FRYL: variants seen among roughly 807,000 people sequenced by gnomAD.
FRYL encodes FRY like transcription coactivator, also known as protein furry homolog-like.
A neutral mutation model predicts 351.2 loss-of-function variants in FRYL; 150 were observed. That is an observed-to-expected ratio of 0.43 (90% confidence interval 0.37 to 0.49). FRYL has a LOEUF of 0.49. Ranked by LOEUF, FRYL falls within the 20% of genes least tolerant of loss-of-function variation. FRYL has a pLI of 0.00. For synonymous variants in FRYL, 1,153 were observed against 1,257.1 expected (o/e 0.92, Z 1.75); for missense variants, 3,036 against 3,619.3 (o/e 0.84, Z 4.13).
intron 16 of FRYL, among the ~76,000 whole-genome samples, chr4:48,593,473 T>C (rs1743948701): frequency 6.6e-6 from 1 of 152,016 alleles, no homozygotes; most frequent in African/African-American, 2.4e-5. Context: ...GCCTCCCTAG[T>C]AGCTGGGATT....
In FRYL at chr4:48,602,034, A is replaced by G. The variant is rs1159625469; in HGVS notation, c.1021T>C (p.Leu341=). 1.9e-6 allele frequency: 3 copies of G among 1,571,940 alleles called. No individual in the cohort carries two copies. The East Asian group carries it at 6.7e-5, about 35-fold the overall frequency. ...NNWHIFLQNC[L]SHLKNKDPKM... ...TTACATCTTACCTTTAAATGTGACAAACAGTTCTGTAGGAAAATATGCCAG... is the reference window on the plus strand; with the variant it reads ...TTACATCTTACCTTTAAATGTGACAGACAGTTCTGTAGGAAAATATGCCAG... Residue 341 remains leucine (L), a synonymous_variant, in exon 13 of 64, where the codon TTG becomes CTG. Transcript: ENST00000358350.
intron 13 of FRYL, among the ~76,000 whole-genome samples, chr4:48,601,178 A>G (rs1424256699): frequency 2.0e-5 from 3 of 152,194 alleles, no homozygotes; most frequent in Non-Finnish European, 2.9e-5. Flanking sequence ...CGGTTCCATT[A>G]TCTTCAAAGT....
intron 21 of FRYL, among the ~76,000 whole-genome samples, chr4:48,581,217 T>A (rs1009675711): frequency 2.6e-5 from 4 of 151,940 alleles, no homozygotes; most frequent in Admixed American, 1.3e-4. Flanking sequence ...ATTTTTTTTT[T>A]ATATTTTTAG....
intron 1 of FRYL, among the ~76,000 whole-genome samples, chr4:48,769,909 G>A (rs185718573): frequency 4.6e-5 from 7 of 152,230 alleles, no homozygotes; most frequent in East Asian, 1.9e-4. Context: ...CAGTAAATAC[G>A]GAAAAGGAGG....
intron 3 of FRYL, among the ~76,000 whole-genome samples, chr4:48,676,877 G>A (rs1173150234): frequency 4.6e-5 from 7 of 152,072 alleles, no homozygotes; most frequent in East Asian, 1.9e-4. Flanking sequence ...CTTTTGAATC[G>A]CACTTTATTG....
At chr4:48,716,064 C>G (rs1206649215) in intron 1 of FRYL, among the ~76,000 whole-genome samples, 2 of 152,174 alleles carry the variant, frequency 1.3e-5, no homozygotes, top group South Asian at 2.1e-4. Context: ...GGAAAACTGG[C>G]TAGCCATATG....
At position 48,776,691 on chromosome 4, in the gene FRYL, G is replaced by A. The variant is rs560089786; in HGVS notation, c.-384+3387C>T. On this transcript the variant is annotated intron_variant, in intron 1 of 63. Transcript: ENST00000358350. ...TTGCAGACAAGGTGACATCTGAGCA[G>A]GGCCAGATGGATGATCCCTGTCACT... is the stretch of plus-strand genomic sequence containing the variant. 2.6e-5 allele frequency among the ~76,000 whole-genome samples: 4 copies of A among 152,280 alleles called. No homozygotes were observed. In the South Asian group the frequency reaches 8.3e-4, roughly 32 times the overall value.
chr4:48,565,089 T>C lies in FRYL; in HGVS notation c.3331-46A>G, dbSNP rs1736465192. 5.3e-6 allele frequency: 6 copies of C among 1,124,224 alleles called. No individual in the cohort carries two copies. The East Asian group carries it at 1.6e-4, about 29-fold the overall frequency. The allele number at this position is 1,124,224 out of a possible 1,614,324, so 69.6% of individuals were successfully genotyped here. A position where few individuals can be genotyped will look rare whatever the true frequency, so the allele number is the denominator to read the frequency against. On this transcript the variant is annotated intron_variant, in intron 29 of 63. Coordinates refer to ENST00000358350, the MANE Select transcript of FRYL (RefSeq NM_015030.2). ...ATTACATTTAACAAATTTAAGAGGT[T>C]AAATGTTGGTTGCTTAATGAGAAGA...
At chr4:48,711,384 C>T (rs959878582) in intron 1 of FRYL, among the ~76,000 whole-genome samples, 1 of 152,284 alleles carries the variant, frequency 6.6e-6, no homozygotes, top group African/African-American at 2.4e-5. Context: ...TTCCAACGGG[C>T]TTAAAAAACG....
At chr4:48,709,122 G>A (rs1176900003) in intron 2 of FRYL, among the ~76,000 whole-genome samples, 2 of 151,792 alleles carry the variant, frequency 1.3e-5, no homozygotes, top group Admixed American at 6.6e-5. Context: ...GGGTTTCACC[G>A]TGTTAGCCAG....
intron 63 of FRYL, among the ~76,000 whole-genome samples, 156 bp from the exon 64 acceptor site, chr4:48,499,836 C>T (rs1719155148): frequency 6.6e-6 from 1 of 152,148 alleles, no homozygotes; most frequent in Non-Finnish European, 1.5e-5. Context: ...CACCTGAATT[C>T]ACTTTCAAAG....
intron 41 of FRYL, among the ~76,000 whole-genome samples, chr4:48,546,914 A>G (rs1424689058): frequency 1.3e-5 from 2 of 152,142 alleles, no homozygotes; most frequent in African/African-American, 4.8e-5. Flanking sequence ...AGGATTTTAA[A>G]TAAATAACAG....
At chr4:48,572,807 T>G (rs1393435503) in intron 26 of FRYL, among the ~76,000 whole-genome samples, 1 of 152,208 alleles carries the variant, frequency 6.6e-6, no homozygotes, top group Admixed American at 6.5e-5. Flanking sequence ...TCGCTGCAAA[T>G]TTTTTACTGT....
rs375850372 is a variant in FRYL, at chr4:48,540,999, C to T, written c.5688-39G>A. 30 of 1,447,818 alleles carry T rather than the reference C, an allele frequency of 2.1e-5. No homozygotes were observed. The African/African-American group carries it at 4.0e-4, about 19-fold the overall frequency. The allele number at this position is 1,447,818 out of a possible 1,614,324, so 89.7% of individuals were successfully genotyped here. ...AAGAATAGATGAATGCATACCCAGTCACTTCTTTTGCTAAATTAATTTTAC... is the reference window on the plus strand; with the variant it reads ...AAGAATAGATGAATGCATACCCAGTTACTTCTTTTGCTAAATTAATTTTAC... On this transcript the variant is annotated intron_variant, in intron 45 of 63. Coordinates refer to ENST00000358350, the MANE Select transcript of FRYL (RefSeq NM_015030.2).
chr4:48,581,738 G>C, intron 20 of FRYL, 133 bp from the exon 21 acceptor site: 1 of 660,800 alleles, frequency 1.5e-6, no homozygotes, highest in Non-Finnish European at 2.5e-6. Context: ...AATGTAAATC[G>C]CATGTATTTT....
intron 3 of FRYL, among the ~76,000 whole-genome samples, chr4:48,661,276 C>A (rs1037905629): frequency 3.3e-5 from 5 of 152,162 alleles, no homozygotes; most frequent in Non-Finnish European, 7.4e-5. Context: ...TATTCTCCTA[C>A]CATAAATAAT....
At chr4:48,680,144 A>T (rs1234045202) in intron 3 of FRYL, among the ~76,000 whole-genome samples, 1 of 152,010 alleles carries the variant, frequency 6.6e-6, no homozygotes, top group Non-Finnish European at 1.5e-5. Flanking sequence ...ATATTAAAAT[A>T]TGCATGGAAA....
At chr4:48,675,556 C>G (rs1298814126) in intron 3 of FRYL, among the ~76,000 whole-genome samples, 2 of 152,244 alleles carry the variant, frequency 1.3e-5, no homozygotes, top group Non-Finnish European at 2.9e-5. Context: ...CGATTTCTCA[C>G]CGAGCCTTAG....
chr4:48,714,308 C>T (rs969488432), intron 1 of FRYL, among the ~76,000 whole-genome samples: 13 of 145,330 alleles, frequency 8.9e-5, no homozygotes, highest in Non-Finnish European at 1.8e-4. Flanking sequence ...ACAAAAAACC[C>T]TTAAAAAAAT....
Sources: allele counts gnomAD v4.1 joint callset (sites outside exome capture counted in the v4.1 genomes callset), GRCh38; gene constraint gnomAD v4.1.1; transcripts MANE v1.5; gene names NCBI Gene and HGNC (gene_info 2026-07-23, HGNC 2026-07-21).